Variants in SH3BP4 observed in about 807,000 individuals in gnomAD.
SH3BP4 encodes SH3 domain-binding protein 4.
In SH3BP4, 33 loss-of-function variants were observed where a neutral mutation model predicts 65.5. The ratio of observed to expected loss-of-function variants is 0.50; its 90% CI spans 0.38 to 0.67. SH3BP4 has a LOEUF of 0.67. SH3BP4 is among the 30% of genes least tolerant of loss of function. The pLI, the probability that SH3BP4 is intolerant of heterozygous loss-of-function variation, is 0.00. For synonymous variants in SH3BP4, 552 were observed against 545.5 expected (o/e 1.01, Z -0.17); for missense variants, 1,134 against 1,261.4 (o/e 0.90, Z 1.53).
chr2:234,972,294 G>A (rs1052458123), intron 1 of SH3BP4, among the ~76,000 whole-genome samples: 8 of 151,820 alleles, frequency 5.3e-5, no homozygotes. Flanking sequence ...ACCATGCCCG[G>A]CTAATTTTTG....
intron 4 of SH3BP4, among the ~76,000 whole-genome samples, chr2:235,051,339 T>C (rs1460900631): frequency 6.6e-6 from 1 of 152,054 alleles, no homozygotes; most frequent in Non-Finnish European, 1.5e-5. Context: ...AAACCAGAAG[T>C]GTGAGTTTGA....
At chr2:235,004,088 G>A (rs1020287842) in intron 2 of SH3BP4, among the ~76,000 whole-genome samples, 2 of 152,180 alleles carry the variant, frequency 1.3e-5, no homozygotes, top group African/African-American at 4.8e-5. Context: ...GTGCCTGACT[G>A]ACTAGGTACC....
chr2:234,996,360 C>G (rs762321915), intron 2 of SH3BP4, among the ~76,000 whole-genome samples: 1 of 152,194 alleles, frequency 6.6e-6, no homozygotes, highest in Non-Finnish European at 1.5e-5. Context: ...GATTTTATTT[C>G]AACTTCTCCC....
intron 2 of SH3BP4, among the ~76,000 whole-genome samples, chr2:235,022,254 A>G (rs1318051218): frequency 2.0e-5 from 3 of 152,226 alleles, no homozygotes; most frequent in Non-Finnish European, 4.4e-5. Flanking sequence ...GGTAGGACAT[A>G]AGAAGTAGTT....
At chr2:234,957,756 T>C (rs1692621236) in intron 1 of SH3BP4, among the ~76,000 whole-genome samples, 1 of 151,708 alleles carries the variant, frequency 6.6e-6, no homozygotes, top group African/African-American at 2.4e-5. Flanking sequence ...ACCAGGGATG[T>C]GGTGATGAAT....
At chr2:234,961,009 GT>G (rs1168047458) in intron 1 of SH3BP4, among the ~76,000 whole-genome samples, 3 of 152,140 alleles carry the variant, frequency 2.0e-5, no homozygotes, top group African/African-American at 7.2e-5. Context: ...TTGGGACCTG[GT>G]TCATTGCGGG....
chr2:235,038,404 T>TACATATATATA (rs1483580918), intron 3 of SH3BP4, among the ~76,000 whole-genome samples: 2 of 82,178 alleles, frequency 2.4e-5, no homozygotes, highest in African/African-American at 4.9e-5. Context: ...TATATATATA[T>TACATATATATA]ATATATATAT....
Position 235,053,678 on chromosome 2 carries a change from C to T in SH3BP4, c.2754C>T (p.His918=), listed in dbSNP as rs1263400747. The T allele has an allele frequency of 2.5e-6, 4 of 1,614,066 alleles. No homozygotes were observed. Among genetic ancestry groups the T allele is most frequent in the African/African-American group, 1.3e-5 (1 of 74,928 alleles). ...ACCGGGATGTCATCCAGGAGCTGCA[C>T]CTGGGCCTGGACAAGATGAAAAACC... ...DSYRDVIQEL[H]LGLDKMKNPI... The change falls in exon 6 of 6, where the codon CAC becomes CAT. Residue 918 remains histidine, a synonymous_variant. Coordinates refer to ENST00000392011, the MANE Select transcript of SH3BP4 (RefSeq NM_014521.3).
intron 3 of SH3BP4, among the ~76,000 whole-genome samples, chr2:235,040,382 C>G (rs1281944214): frequency 1.3e-5 from 2 of 152,048 alleles, no homozygotes; most frequent in African/African-American, 2.4e-5. Context: ...AGCTTTCCAT[C>G]CAGAGGCAGA....
At chr2:234,999,649 T>G (rs1240749142) in intron 2 of SH3BP4, among the ~76,000 whole-genome samples, 4 of 152,206 alleles carry the variant, frequency 2.6e-5, no homozygotes, top group Non-Finnish European at 5.9e-5. Context: ...CTCAGTTTTC[T>G]CCTTGGTAAA....
intron 1 of SH3BP4, among the ~76,000 whole-genome samples, chr2:234,959,110 C>T (rs1692650586): frequency 6.6e-6 from 1 of 152,124 alleles, no homozygotes; most frequent in Admixed American, 6.5e-5. Flanking sequence ...TTCCCACTAG[C>T]CTTTGTGGAG....
At chr2:234,995,427 T>C (rs1023453315) in intron 2 of SH3BP4, 51 bp downstream of exon 2, 1 of 152,234 alleles carries the variant, frequency 6.6e-6, no homozygotes, top group Non-Finnish European at 1.5e-5. Context: ...GGACCCGCTT[T>C]ACCATGTCAT....
chr2:235,052,841 G>C lies in SH3BP4; in HGVS notation c.2667+91G>C, dbSNP rs113655430. The C allele has an allele frequency of 4.7e-6, 6 of 1,274,792 alleles. No homozygotes were observed. Among genetic ancestry groups the C allele is most frequent in the Non-Finnish European group, 6.4e-6 (6 of 939,126 alleles). 79.0% of individuals were successfully genotyped at this position (1,274,792 alleles called of 1,614,324 possible). A position where few individuals can be genotyped will look rare whatever the true frequency, so the allele number is the denominator to read the frequency against. On this transcript the variant is annotated intron_variant, in intron 5 of 5. Coordinates refer to ENST00000392011, the MANE Select transcript of SH3BP4 (RefSeq NM_014521.3). The surrounding 1 kb of genome is among the most constrained non-coding windows in gnomAD (Gnocchi z 5.0). ...GTGCAGCCATAAAAAGTCTTGCCTC[G>C]CGGCATTTCTGTGAGGGTGCAACAG...
intron 1 of SH3BP4, among the ~76,000 whole-genome samples, chr2:234,971,098 T>C (rs775606119): frequency 2.0e-5 from 3 of 152,346 alleles, no homozygotes; most frequent in Non-Finnish European, 4.4e-5. Context: ...GTTGCCTTAG[T>C]GTTGTACAGC....
At position 235,041,640 on chromosome 2, in the gene SH3BP4, A is replaced by T; in HGVS notation, c.871A>T (p.Arg291Trp). The T allele has an allele frequency of 6.2e-7, 1 of 1,613,888 alleles. No homozygotes were observed. The highest frequency in any genetic ancestry group is 8.5e-7 in the Non-Finnish European group (1 of 1,179,984). ...EDFRTAWLNHRKLARSCHDLD... is the reference protein window; with the variant it reads ...EDFRTAWLNHWKLARSCHDLD... ...TTTTCGAACTGCCTGGCTAAACCAC[A>T]GGAAGCTGGCCCGGTCTTGCCACGA... is the stretch of plus-strand genomic sequence containing the variant. Residue 291 changes from arginine (R) to tryptophan (W), a missense_variant, in exon 4 of 6, where the codon AGG (arginine) becomes TGG (tryptophan). Physicochemically the swap from Arg to Trp is moderately radical, Grantham distance 101. Coordinates refer to ENST00000392011, the MANE Select transcript of SH3BP4 (RefSeq NM_014521.3). This position sits in a 1 kb window ranked among gnomAD's most constrained non-coding sequence, Gnocchi z 6.0.
chr2:234,979,292 T>C (rs1442674488), intron 1 of SH3BP4, among the ~76,000 whole-genome samples: 3 of 152,212 alleles, frequency 2.0e-5, no homozygotes, highest in Non-Finnish European at 4.4e-5. Context: ...CCTCTCCCCT[T>C]CCTGCAAAAA....
chr2:235,047,873 TCTATGAGAAAGGGAAGGAGTTG>T (rs1695920510), intron 4 of SH3BP4, among the ~76,000 whole-genome samples: 1 of 152,124 alleles, frequency 6.6e-6, no homozygotes, highest in South Asian at 2.1e-4. Flanking sequence ...TAGAGAAGTT[TCTATGAGAAAGGGAAGGAGTTG>T]CTGTGGGATG....
chr2:235,000,379 G>A (rs935206253), intron 2 of SH3BP4, among the ~76,000 whole-genome samples: 3 of 152,178 alleles, frequency 2.0e-5, no homozygotes, highest in African/African-American at 7.2e-5. Context: ...TGTGCCTGAC[G>A]TTTCATTCAT....
chr2:235,034,498 G>A lies in SH3BP4; in HGVS notation c.-132-373G>A, dbSNP rs752804104. ...AGCAGAGGCCGATTTTTCCTTTTCC[G>A]AGCCCTGCAGCTAGCAGCATGAACT... On this transcript the variant is annotated intron_variant, in intron 2 of 5. Transcript: ENST00000392011. This position sits in a 1 kb window ranked among gnomAD's most constrained non-coding sequence, Gnocchi z 6.2. 3.9e-5 allele frequency among the ~76,000 whole-genome samples: 6 copies of A among 152,104 alleles called. No homozygotes were observed. Among genetic ancestry groups the A allele is most frequent in the African/African-American group, 1.4e-4 (6 of 41,416 alleles).
Sources: allele counts gnomAD v4.1 joint callset (sites outside exome capture counted in the v4.1 genomes callset), GRCh38; gene constraint gnomAD v4.1.1; non-coding constraint Gnocchi (gnomAD v3.1); transcripts MANE v1.5; gene names NCBI Gene and HGNC (gene_info 2026-07-23, HGNC 2026-07-21).